The following MAP7 variants were observed in gnomAD, a reference collection of about 807,000 sequenced individuals.
MAP7 encodes microtubule associated protein 7.
In MAP7, 52 loss-of-function variants were observed where a neutral mutation model predicts 94.8. The ratio of observed to expected loss-of-function variants is 0.55; its 90% CI spans 0.44 to 0.69. MAP7 has a LOEUF of 0.69. MAP7 is among the 30% of genes least tolerant of loss of function. The pLI is 0.00. For missense variants in MAP7, 940 were observed against 964.6 expected (o/e 0.97, Z 0.34); for synonymous variants, 350 against 357.0 (o/e 0.98, Z 0.22).
chr6:136,455,103 C>G (rs1802472472), intron 1 of MAP7, among the ~76,000 whole-genome samples: 1 of 151,724 alleles, frequency 6.6e-6, no homozygotes, highest in Non-Finnish European at 1.5e-5. Context: ...CTTGGTCAGA[C>G]AGTCCCTCAT....
At chr6:136,536,702 C>T (rs577650979) in intron 1 of MAP7, among the ~76,000 whole-genome samples, 1 of 152,160 alleles carries the variant, frequency 6.6e-6, no homozygotes, top group Non-Finnish European at 1.5e-5. Context: ...CCTTTACTGC[C>T]CAGAGCCAGA....
At chr6:136,376,451 TA>T (rs1308250402) in intron 7 of MAP7, among the ~76,000 whole-genome samples, 2 of 152,212 alleles carry the variant, frequency 1.3e-5, no homozygotes, top group East Asian at 3.9e-4. Context: ...TCATGACTTG[TA>T]GAAAAGTGTG....
At chr6:136,481,632 T>C (rs1202112782) in intron 1 of MAP7, among the ~76,000 whole-genome samples, 2 of 152,050 alleles carry the variant, frequency 1.3e-5, no homozygotes, top group Non-Finnish European at 2.9e-5. Flanking sequence ...CAAGTGGTGG[T>C]GGGGATGGAG....
At chr6:136,449,018 A>AGAAG (rs1554257991) in intron 1 of MAP7, among the ~76,000 whole-genome samples, 6 of 143,600 alleles carry the variant, frequency 4.2e-5, no homozygotes, top group African/African-American at 1.3e-4. Context: ...AAAAAAAAAA[A>AGAAG]AAGAAGCAAG....
intron 1 of MAP7, among the ~76,000 whole-genome samples, chr6:136,423,117 T>C (rs1341184772): frequency 6.6e-6 from 1 of 152,212 alleles, no homozygotes; most frequent in African/African-American, 2.4e-5. Flanking sequence ...TTAACAAGTA[T>C]TCAAGGCCCT....
Position 136,428,523 on chromosome 6 carries a change from G to GAATAAATAAATA in MAP7, c.68-6736_68-6725dup, listed in dbSNP as rs373164215. On this transcript the variant is annotated intron_variant, in intron 1 of 17. Transcript: ENST00000354570. ...TGACAGAGCAAGACTCTGTCTCAAA[G>GAATAAATAAATA]AATAAATAAATAAATAAATAAATAA... 7.7e-3 allele frequency among the ~76,000 whole-genome samples: 1,165 copies of GAATAAATAAATA among 151,596 alleles called. 18 individuals are homozygous for GAATAAATAAATA. Among genetic ancestry groups the GAATAAATAAATA allele is most frequent in the Admixed American group, 0.033 (497 of 15,190 alleles).
At chr6:136,468,218 T>C (rs1057226173) in intron 1 of MAP7, among the ~76,000 whole-genome samples, 3 of 152,334 alleles carry the variant, frequency 2.0e-5, no homozygotes, top group African/African-American at 4.8e-5. Context: ...ATCCTTCTTA[T>C]GGTACTGATC....
At chr6:136,355,026 C>T (rs569424716) in intron 16 of MAP7, among the ~76,000 whole-genome samples, 1 of 152,102 alleles carries the variant, frequency 6.6e-6, no homozygotes, top group Non-Finnish European at 1.5e-5. Flanking sequence ...CAGGTCAAGA[C>T]CAGCCTGGTT....
chr6:136,394,724 C>T (rs956480993), intron 3 of MAP7, among the ~76,000 whole-genome samples: 3 of 151,050 alleles, frequency 2.0e-5, no homozygotes, highest in Admixed American at 6.6e-5. Flanking sequence ...ACCTCCCCCC[C>T]ACCTTTCTGT....
At chr6:136,456,680 G>T (rs150464444) in intron 1 of MAP7, among the ~76,000 whole-genome samples, 1 of 7,446 alleles carries the variant, frequency 1.3e-4, no homozygotes, top group Admixed American at 1.3e-3. Flanking sequence ...TCAAAAAGAA[G>T]AAAGAAGAAA....
intron 1 of MAP7, among the ~76,000 whole-genome samples, chr6:136,436,760 G>A (rs565965800): frequency 1.3e-5 from 2 of 152,256 alleles, no homozygotes; most frequent in African/African-American, 4.8e-5. Context: ...CTGAAAACAG[G>A]AAAGATTCAA....
intron 1 of MAP7, among the ~76,000 whole-genome samples, chr6:136,511,933 G>A (rs1823409347): frequency 6.6e-6 from 1 of 152,202 alleles, no homozygotes; most frequent in Non-Finnish European, 1.5e-5. Flanking sequence ...AGGTGCTTCT[G>A]GAATGGTCTA....
intron 3 of MAP7, among the ~76,000 whole-genome samples, chr6:136,405,307 T>A (rs577500411): frequency 2.0e-5 from 3 of 152,314 alleles, no homozygotes; most frequent in African/African-American, 7.2e-5. Flanking sequence ...TGCTTAGATG[T>A]TGACAGAGCT....
intron 1 of MAP7, among the ~76,000 whole-genome samples, chr6:136,489,977 C>T (rs1483920826): frequency 1.3e-5 from 2 of 152,108 alleles, no homozygotes; most frequent in African/African-American, 4.8e-5. Context: ...CAAATATATA[C>T]AATTCCTCTT....
chr6:136,415,234 C>G (rs1788989624), intron 2 of MAP7, among the ~76,000 whole-genome samples: 1 of 152,210 alleles, frequency 6.6e-6, no homozygotes, highest in Non-Finnish European at 1.5e-5. Context: ...CAGGCATAAA[C>G]TGCCGCACCC....
chr6:136,414,401 G>A (rs1219456126), intron 2 of MAP7, among the ~76,000 whole-genome samples: 1 of 151,272 alleles, frequency 6.6e-6, no homozygotes, highest in Non-Finnish European at 1.5e-5. Context: ...GCCCTAAAAG[G>A]TTTAATTTGG....
chr6:136,372,139 A>G (rs769247772), intron 8 of MAP7, among the ~76,000 whole-genome samples: 1 of 152,226 alleles, frequency 6.6e-6, no homozygotes, highest in Non-Finnish European at 1.5e-5. Flanking sequence ...CAGCAGTCCA[A>G]GCCCACTTCC....
rs765313754 is a variant in MAP7, at chr6:136,388,518, G to A, written c.409-8C>T. The A allele has an allele frequency of 5.0e-6, 8 of 1,608,118 alleles. No individual in the cohort carries two copies. The highest frequency in any genetic ancestry group is 6.8e-6 in the Non-Finnish European group (8 of 1,174,954). Reference sequence around the variant, plus strand: ...AACAGCTTCGTGGCGTTCCTTAGATGGAATAGAAGAGCTGAGGATTAGATT... The same window carrying A: ...AACAGCTTCGTGGCGTTCCTTAGATAGAATAGAAGAGCTGAGGATTAGATT... On this transcript the variant is annotated splice_region_variant and splice_polypyrimidine_tract_variant and intron_variant, in intron 4 of 17. Transcript: ENST00000354570.
intron 1 of MAP7, among the ~76,000 whole-genome samples, chr6:136,494,529 G>T (rs1817631490): frequency 6.6e-6 from 1 of 152,046 alleles, no homozygotes; most frequent in African/African-American, 2.4e-5. Context: ...TGTACTTAAT[G>T]CAACTGAACT....
Sources: allele counts gnomAD v4.1 joint callset (sites outside exome capture counted in the v4.1 genomes callset), GRCh38; gene constraint gnomAD v4.1.1; transcripts MANE v1.5; gene names NCBI Gene and HGNC (gene_info 2026-07-23, HGNC 2026-07-21).